Variants in LRBA observed in about 807,000 individuals in gnomAD.
The protein encoded by LRBA is lipopolysaccharide-responsive and beige-like anchor protein.
A neutral mutation model predicts 330.0 loss-of-function variants in LRBA; 176 were observed. The observed-to-expected ratio is 0.53, with a 90% CI of 0.47 to 0.60. LRBA has a LOEUF of 0.60. LRBA is among the 20% of genes least tolerant of loss of function. The pLI is 0.00. For missense variants in LRBA, 3,259 were observed against 3,444.8 expected, an observed-to-expected ratio of 0.95 and a Z score of 1.35; for synonymous variants, 1,230 against 1,193.0, an observed-to-expected ratio of 1.03 and a Z score of -0.64.
rs1750781855 is a variant in LRBA at position 150,852,927 on chromosome 4, T to C, written c.2783A>G (p.His928Arg). 1.3e-6 allele frequency: 2 copies of C among 1,570,728 alleles called. No individual in the cohort carries two copies. The highest frequency in any genetic ancestry group is 1.7e-6 in the Non-Finnish European group (2 of 1,160,118). The change falls in exon 23 of 57, where the codon CAC (histidine) becomes CGC (arginine). Residue 928 changes from histidine to arginine, a missense_variant. Physicochemically the swap from His to Arg is conservative, Grantham distance 29 (BLOSUM62 0). Coordinates refer to ENST00000651943, the MANE Select transcript of LRBA (RefSeq NM_001364905.1). ...ITHSKVTFEI[H>R]KENLANIFRE... Reference sequence around the variant, plus strand: ...AAATATATTGGCAAGGTTTTCTTTGTGTATTTCAAAAGTGACCTAGGTGAA... The same window carrying C: ...AAATATATTGGCAAGGTTTTCTTTGCGTATTTCAAAAGTGACCTAGGTGAA...
intron 22 of LRBA, among the ~76,000 whole-genome samples, chr4:150,853,939 A>G (rs995087514): frequency 1.3e-5 from 2 of 152,150 alleles, no homozygotes; most frequent in Non-Finnish European, 2.9e-5. Flanking sequence ...TCATTCAATA[A>G]ATCTTTATTG....
At chr4:150,373,124 CGTGTGTGTGTGTGTGTGTGTGT>C (rs70937397) in intron 47 of LRBA, among the ~76,000 whole-genome samples, 21 of 96,368 alleles carry the variant, frequency 2.2e-4, no homozygotes, top group African/African-American at 3.8e-4. Context: ...ACTACAATCT[CGTGTGTGTGTGTGTGTGTGTGT>C]GTGTGTGTGT....
chr4:150,848,562 G>GAAAAAAAAA (rs9331496), intron 26 of LRBA, among the ~76,000 whole-genome samples: 21 of 120,018 alleles, frequency 1.7e-4, no homozygotes, highest in Non-Finnish European at 1.7e-4. Context: ...GGAGAAAAAA[G>GAAAAAAAAA]AAAAAAAAAA....
At chr4:150,823,362 TGTCA>T (rs1745753808) in intron 30 of LRBA, among the ~76,000 whole-genome samples, 1 of 152,176 alleles carries the variant, frequency 6.6e-6, no homozygotes, top group Admixed American at 6.6e-5. Context: ...TTAGAACCCT[TGTCA>T]GTTAACCAGA....
At chr4:150,419,312 T>C (rs1012749418) in intron 46 of LRBA, among the ~76,000 whole-genome samples, 2 of 152,152 alleles carry the variant, frequency 1.3e-5, no homozygotes, top group African/African-American at 4.8e-5. Flanking sequence ...AGTAACTTGG[T>C]ATAATCATCA....
At chr4:150,370,721 A>G (rs1326187682) in intron 47 of LRBA, among the ~76,000 whole-genome samples, 1 of 152,212 alleles carries the variant, frequency 6.6e-6, no homozygotes, top group Non-Finnish European at 1.5e-5. Context: ...TAAGTGTACC[A>G]CACTAATGCA....
chr4:150,416,228 C>T (rs4639047), intron 46 of LRBA, among the ~76,000 whole-genome samples: 132,732 of 152,278 alleles, frequency 0.87, 58,723 homozygotes, highest in Non-Finnish European at 0.96. Flanking sequence ...AATGCAGCTG[C>T]TTAGCCTTTT....
At chr4:150,787,492 G>C (rs757568147) in intron 34 of LRBA, among the ~76,000 whole-genome samples, 1 of 151,866 alleles carries the variant, frequency 6.6e-6, no homozygotes, top group Non-Finnish European at 1.5e-5. Flanking sequence ...AAACTTCCTA[G>C]CATCTTCTAT....
chr4:150,346,783 A>AAAAAAAAAAAAC (rs1736408222), intron 48 of LRBA, among the ~76,000 whole-genome samples: 4 of 133,470 alleles, frequency 3.0e-5, no homozygotes, highest in African/African-American at 1.0e-4. Flanking sequence ...AAAAAAAAAA[A>AAAAAAAAAAAAC]AAAACACTTA....
chr4:150,920,198 A>T (rs1179826236), intron 5 of LRBA, among the ~76,000 whole-genome samples: 1 of 152,050 alleles, frequency 6.6e-6, no homozygotes, highest in Non-Finnish European at 1.5e-5. Flanking sequence ...GAACTAACAT[A>T]AAAAAAAGAA....
At chr4:150,374,577 C>T (rs969980661) in intron 47 of LRBA, among the ~76,000 whole-genome samples, 1 of 152,136 alleles carries the variant, frequency 6.6e-6, no homozygotes, top group African/African-American at 2.4e-5. Context: ...TCCAAAAATT[C>T]AAAATACGAA....
chr4:150,716,555 A>G (rs1560721150), intron 36 of LRBA, among the ~76,000 whole-genome samples: 1 of 152,150 alleles, frequency 6.6e-6, no homozygotes, highest in African/African-American at 2.4e-5. Context: ...CACTCTTTAC[A>G]TTTTTTATTT....
At chr4:150,443,853 A>AAAAAAAATATATAT (rs70941406) in intron 44 of LRBA, among the ~76,000 whole-genome samples, 3 of 75,464 alleles carry the variant, frequency 4.0e-5, no homozygotes, top group Non-Finnish European at 8.9e-5. Context: ...TAATTAAAAA[A>AAAAAAAATATATAT]ATATATATAT....
intron 48 of LRBA, among the ~76,000 whole-genome samples, chr4:150,349,711 T>C (rs1302907923): frequency 3.3e-5 from 5 of 152,170 alleles, no homozygotes; most frequent in Non-Finnish European, 5.9e-5. Context: ...AAATCATGAG[T>C]AACCCCCAAA....
At chr4:150,449,510 AATCT>A (rs1753084688) in intron 44 of LRBA, among the ~76,000 whole-genome samples, 1 of 151,172 alleles carries the variant, frequency 6.6e-6, no homozygotes, top group Non-Finnish European at 1.5e-5. Flanking sequence ...CAACAACAGC[AATCT>A]ACTTCTGGAA....
At chr4:150,487,371 A>C (rs919246933) in intron 42 of LRBA, among the ~76,000 whole-genome samples, 33 of 151,360 alleles carry the variant, frequency 2.2e-4, no homozygotes, top group African/African-American at 8.0e-4. Flanking sequence ...AGAGATAAAA[A>C]GTAAATCTTA....
chr4:150,363,905 T>C (rs564137152), intron 47 of LRBA, among the ~76,000 whole-genome samples: 1 of 152,358 alleles, frequency 6.6e-6, no homozygotes, highest in Non-Finnish European at 1.5e-5. Context: ...ATAGCCACTT[T>C]ACTTGGTTGA....
At chr4:150,689,348 T>C (rs1783911050) in intron 36 of LRBA, among the ~76,000 whole-genome samples, 2 of 152,094 alleles carry the variant, frequency 1.3e-5, no homozygotes, top group South Asian at 2.1e-4. Flanking sequence ...TTAAGAGAAA[T>C]ACCTAATGCA....
chr4:150,372,117 T>C (rs1740413316), intron 47 of LRBA, among the ~76,000 whole-genome samples: 1 of 152,192 alleles, frequency 6.6e-6, no homozygotes, highest in Non-Finnish European at 1.5e-5. Context: ...CAGATGCTCG[T>C]TATGCTAACT....
Sources: allele counts gnomAD v4.1 joint callset (sites outside exome capture counted in the v4.1 genomes callset), GRCh38; gene constraint gnomAD v4.1.1; transcripts MANE v1.5; gene names NCBI Gene and HGNC (gene_info 2026-07-23, HGNC 2026-07-21).